RAB11FIP5: variants seen among roughly 807,000 people sequenced by gnomAD.
RAB11FIP5 encodes rab11 family-interacting protein 5.
In RAB11FIP5, 48 loss-of-function variants were observed where a neutral mutation model predicts 85.1. The observed-to-expected ratio is 0.56, with a 90% CI of 0.45 to 0.72. The LOEUF (loss-of-function observed/expected upper bound fraction) is 0.72, where lower values mean the gene tolerates loss of function less well. Ranked by LOEUF, RAB11FIP5 falls within the 30% of genes least tolerant of loss-of-function variation. The pLI, the probability that RAB11FIP5 is intolerant of heterozygous loss-of-function variation, is 0.00. For synonymous variants in RAB11FIP5, 729 were observed against 727.3 expected (o/e 1.00, Z -0.04); for missense variants, 1,491 against 1,687.0 (o/e 0.88, Z 2.04).
At chr2:73,104,640 C>A (rs575105694) in intron 1 of RAB11FIP5, among the ~76,000 whole-genome samples, 21 of 152,276 alleles carry the variant, frequency 1.4e-4, no homozygotes, top group Admixed American at 1.2e-3. Flanking sequence ...GAGAGTGGCA[C>A]ACAGGGAACT....
chr2:73,093,458 C>A (rs1684257559), intron 1 of RAB11FIP5, among the ~76,000 whole-genome samples: 1 of 152,250 alleles, frequency 6.6e-6, no homozygotes. Context: ...TGGATATTGA[C>A]TGAGTATCCC....
At chr2:73,097,287 T>G (rs1684339704) in intron 1 of RAB11FIP5, among the ~76,000 whole-genome samples, 1 of 152,010 alleles carries the variant, frequency 6.6e-6, no homozygotes, top group Admixed American at 6.5e-5. Flanking sequence ...TCCACCCGCC[T>G]CGGCCTCCCA....
chr2:73,095,617 T>A (rs543487686), intron 1 of RAB11FIP5, among the ~76,000 whole-genome samples: 2 of 152,338 alleles, frequency 1.3e-5, no homozygotes, highest in South Asian at 2.1e-4. Context: ...AGGCCCATTT[T>A]ACAGATGAGG....
At position 73,088,409 on chromosome 2, in the gene RAB11FIP5, C is replaced by T. The variant is rs765846322; in HGVS notation, c.1209G>A (p.Gln403=). The change falls in exon 3 of 6, where the codon CAG becomes CAA. Residue 403 remains glutamine (Q), a synonymous_variant. Coordinates refer to ENST00000486777, the MANE Select transcript of RAB11FIP5 (RefSeq NM_001371272.1). ...SNSSSEAVLG[Q]EELSAQAKVL... is the part of the protein sequence containing the mutation. ...CTTTAGCCTGAGCACTCAGCTCCTC[C>T]TGTCCAAGCACTGCCTCTGAGCTGC... 6.2e-7 allele frequency: 1 copy of T among 1,613,956 alleles called. No homozygotes were observed. The highest frequency in any genetic ancestry group is 8.5e-7 in the Non-Finnish European group (1 of 1,180,048).
chr2:73,080,969 C>A lies in RAB11FIP5; in HGVS notation c.2263G>T (p.Ala755Ser), dbSNP rs1683964364. The A allele has an allele frequency of 1.6e-6, 2 of 1,232,342 alleles. No homozygotes were observed. Among genetic ancestry groups the A allele is most frequent in the Non-Finnish European group, 2.0e-6 (2 of 988,094 alleles). 76.3% of individuals were successfully genotyped at this position (1,232,342 alleles called of 1,614,324 possible). A position where few individuals can be genotyped will look rare whatever the true frequency, so the allele number is the denominator to read the frequency against. Residue 755 changes from alanine (A) to serine (S), a missense_variant, in exon 4 of 6, where the codon GCC becomes TCC. Transcript: ENST00000486777. The stretch of plus-strand genomic sequence containing the variant: ...CCTGAGGCTCTCAGCTGTAGCTGGG[C>A]TGACGAGGAGGGCAGGCCAGCCCCT... ...SVGAGLPSSS[A>S]QLQLRASGSE...
intron 1 of RAB11FIP5, among the ~76,000 whole-genome samples, chr2:73,101,647 C>T (rs946686096): frequency 1.3e-5 from 2 of 152,152 alleles, no homozygotes; most frequent in South Asian, 4.1e-4. Flanking sequence ...CACAGGCTTT[C>T]CCTCCTTGTC....
At chr2:73,102,026 CG>C (rs1483875933) in intron 1 of RAB11FIP5, among the ~76,000 whole-genome samples, 7 of 152,000 alleles carry the variant, frequency 4.6e-5, no homozygotes, top group Non-Finnish European at 7.4e-5. Context: ...ATGAAGCACA[CG>C]GGAAGGCTCA....
Position 73,075,958 on chromosome 2 carries a change from C to T in RAB11FIP5, c.3771+35G>A, listed in dbSNP as rs1355522444. 2 of 1,588,902 alleles carry T rather than the reference C, an allele frequency of 1.3e-6. No homozygotes were observed. The highest frequency in any genetic ancestry group is 1.7e-6 in the Non-Finnish European group (2 of 1,163,896). ...AAGCCCTGAGACTCCACCACACATT[C>T]TGTCAGATGGCCCCCACACCCTGCT... On this transcript the variant is annotated intron_variant, in intron 5 of 5. Coordinates refer to ENST00000486777, the MANE Select transcript of RAB11FIP5 (RefSeq NM_001371272.1). This position sits in a 1 kb window ranked among gnomAD's most constrained non-coding sequence, Gnocchi z 4.6.
Position 73,075,936 on chromosome 2 carries a change from C to T in RAB11FIP5, c.3771+57G>A, listed in dbSNP as rs563201598. On this transcript the variant is annotated intron_variant, in intron 5 of 5. Coordinates refer to ENST00000486777, the MANE Select transcript of RAB11FIP5 (RefSeq NM_001371272.1). This position sits in a 1 kb window ranked among gnomAD's most constrained non-coding sequence, Gnocchi z 4.6. ...CTGCCCCACCCTCACCAGGACCAAG[C>T]CCTGAGACTCCACCACACATTCTGT... 3.2e-6 allele frequency: 5 copies of T among 1,563,660 alleles called. No individual in the cohort carries two copies. Among genetic ancestry groups the T allele is most frequent in the Admixed American group, 1.7e-5 (1 of 57,604 alleles).
At chr2:73,084,605 C>G (rs1684059169) in intron 3 of RAB11FIP5, among the ~76,000 whole-genome samples, 1 of 152,206 alleles carries the variant, frequency 6.6e-6, no homozygotes, top group African/African-American at 2.4e-5. Context: ...TTGGTTGAAC[C>G]TGCCACTCAA....
At position 73,086,339 on chromosome 2, in the gene RAB11FIP5, C is replaced by G. The variant is rs1014661878; in HGVS notation, c.1568+1711G>C. ...GAAACCTCAGCTTCCTTATGGCCAT[C>G]AGTGACCCAAATCCTCCAGATTCCA... is the stretch of plus-strand genomic sequence containing the variant. On this transcript the variant is annotated intron_variant, in intron 3 of 5. Transcript: ENST00000486777. The surrounding 1 kb of genome is among the most constrained non-coding windows in gnomAD (Gnocchi z 4.4). Among the ~76,000 whole-genome samples, 1 of 152,198 alleles carries G rather than the reference C, an allele frequency of 6.6e-6. No homozygotes were observed. Among genetic ancestry groups the G allele is most frequent in the Admixed American group, 6.5e-5 (1 of 15,288 alleles).
intron 1 of RAB11FIP5, among the ~76,000 whole-genome samples, chr2:73,102,708 A>T (rs755989091): frequency 6.6e-6 from 1 of 152,078 alleles, no homozygotes; most frequent in African/African-American, 2.4e-5. Flanking sequence ...ATCTTCTAAC[A>T]CCTGCCAGGT....
chr2:73,093,713 G>A lies in RAB11FIP5; in HGVS notation c.432-4398C>T, dbSNP rs966890877. 4.9e-4 allele frequency among the ~76,000 whole-genome samples: 75 copies of A among 152,224 alleles called. 1 individual carries two copies. Among genetic ancestry groups the A allele is most frequent in the Admixed American group, 4.6e-4 (7 of 15,288 alleles). The stretch of plus-strand genomic sequence containing the variant: ...ACGCCAAGCCTGGTTGGCAAAACCA[G>A]CTTATCCTCTCACTCTCTCCCACGA... On this transcript the variant is annotated intron_variant, in intron 1 of 5. Transcript: ENST00000486777.
At position 73,088,725 on chromosome 2, in the gene RAB11FIP5, T is replaced by C. The variant is rs751430867; in HGVS notation, c.893A>G (p.Lys298Arg). The part of the protein sequence containing the change: ...EGGRDSAQSP[K>R]LFTHKRTYSD... ...GTAGGTCCTCTTATGGGTGAACAGC[T>C]TGGGGGACTGTGCAGAGTCCCTGCC... The change falls in exon 3 of 6, where the codon AAG becomes AGG. Residue 298 changes from lysine to arginine, a missense_variant. Around this residue, in one of 3 missense-constraint regions of RAB11FIP5, gnomAD observed 1,211 missense variants for 1,338.0 expected, o/e 0.91. Transcript: ENST00000486777. 5.0e-6 allele frequency: 8 copies of C among 1,607,130 alleles called. No individual in the cohort carries two copies. The highest frequency in any genetic ancestry group is 1.7e-5 in the Admixed American group (1 of 59,560).
At chr2:73,107,330 C>A (rs185070483) in intron 1 of RAB11FIP5, among the ~76,000 whole-genome samples, 9 of 152,358 alleles carry the variant, frequency 5.9e-5, no homozygotes, top group African/African-American at 1.9e-4. Flanking sequence ...CTGGACAAGG[C>A]CAGGCCAGTG....
chr2:73,111,392 T>A (rs146311314), intron 1 of RAB11FIP5, among the ~76,000 whole-genome samples: 3 of 152,080 alleles, frequency 2.0e-5, no homozygotes, highest in Admixed American at 6.6e-5. Context: ...CCTGCCCCAA[T>A]CCCCTTACCC....
intron 1 of RAB11FIP5, among the ~76,000 whole-genome samples, chr2:73,106,744 A>C (rs1440780884): frequency 6.6e-6 from 1 of 152,202 alleles, no homozygotes; most frequent in East Asian, 1.9e-4. Flanking sequence ...CCCTCCACTA[A>C]GTGCTGGGTA....
rs756977990 is a variant in RAB11FIP5, at chr2:73,088,192, C to T, written c.1426G>A (p.Glu476Lys). 4 of 1,614,032 alleles carry T rather than the reference C, an allele frequency of 2.5e-6. No homozygotes were observed. The highest frequency in any genetic ancestry group is 2.2e-5 in the East Asian group (1 of 44,862). Residue 476 changes from glutamate (E) to lysine (K), a missense_variant, in exon 3 of 6, where the codon GAG (glutamate) becomes AAG (lysine). This residue lies in a region of RAB11FIP5 where 1,211 missense variants were observed against 1,338.0 expected (regional missense o/e 0.91). Transcript: ENST00000486777. ...CCCAGAGAGCTTCGGCGACCCAACT[C>T]GCTCCGACTTAGGCCTTGGTGGTGG... is the stretch of plus-strand genomic sequence containing the variant. Reference protein sequence around the residue: ...HHHHQGLSRSELGRRSSLGEK... With the variant: ...HHHHQGLSRSKLGRRSSLGEK...
chr2:73,075,473 G>A lies in RAB11FIP5; in HGVS notation c.*48C>T, dbSNP rs1161808594. On this transcript the variant is annotated 3_prime_UTR_variant, in exon 6 of 6. Transcript: ENST00000486777. The surrounding 1 kb of genome is among the most constrained non-coding windows in gnomAD (Gnocchi z 4.6). ...AGAGAGTTCAGGAGGAGAGAGGGCA[G>A]GCAGCAATAGGTCCATGCCAACCCT... 6 of 1,561,958 alleles carry A rather than the reference G, an allele frequency of 3.8e-6. No individual in the cohort carries two copies. The African/African-American group carries it at 6.8e-5, about 18-fold the overall frequency.
Sources: gnomAD v4.1 joint callset for allele counts (sites outside exome capture counted in the v4.1 genomes callset) on GRCh38, gnomAD v4.1.1 for gene constraint, gnomAD v4.1.1 regional missense constraint, Gnocchi (gnomAD v3.1) non-coding constraint, MANE v1.5 for transcripts, NCBI Gene and HGNC (gene_info 2026-07-23, HGNC 2026-07-21) for gene names.